MTMR12: variants seen among roughly 807,000 people sequenced by gnomAD.
The protein encoded by MTMR12 is myotubularin related protein 12.
In MTMR12, 33 loss-of-function variants were observed where a neutral mutation model predicts 96.7. That is an observed-to-expected ratio of 0.34 (90% confidence interval 0.26 to 0.46). The LOEUF (loss-of-function observed/expected upper bound fraction) is 0.46. MTMR12 is among the 20% of genes least tolerant of loss of function. MTMR12 has a pLI of 1.00. For missense variants in MTMR12, 721 were observed against 896.1 expected (o/e 0.80, Z 2.49); for synonymous variants, 298 against 327.2 (o/e 0.91, Z 0.96).
chr5:32,251,469 A>C (rs150706538), intron 8 of MTMR12, among the ~76,000 whole-genome samples: 1 of 152,306 alleles, frequency 6.6e-6, no homozygotes, highest in Non-Finnish European at 1.5e-5. Context: ...ATGTCATCAG[A>C]GTCAAACACT....
intron 1 of MTMR12, among the ~76,000 whole-genome samples, chr5:32,307,095 C>T (rs1751391936): frequency 6.6e-6 from 1 of 152,098 alleles, no homozygotes; most frequent in Admixed American, 6.6e-5. Context: ...CAATATTAAT[C>T]CCAATTTGGT....
intron 6 of MTMR12, among the ~76,000 whole-genome samples, chr5:32,265,127 G>A (rs1308878028): frequency 6.6e-6 from 1 of 152,174 alleles, no homozygotes; most frequent in Non-Finnish European, 1.5e-5. Context: ...GAATTATGAA[G>A]CCAGGGAATA....
intron 1 of MTMR12, among the ~76,000 whole-genome samples, chr5:32,281,059 C>A (rs1175818022): frequency 6.6e-6 from 1 of 151,560 alleles, no homozygotes; most frequent in Non-Finnish European, 1.5e-5. Flanking sequence ...AACAGCCTGG[C>A]CAACATGGTA....
At position 32,229,979 on chromosome 5, in the gene MTMR12, T is replaced by C. The variant is rs777869139; in HGVS notation, c.2043A>G (p.Arg681=). The change falls in exon 16 of 16, where the codon AGA becomes AGG. Residue 681 remains arginine, a synonymous_variant. Coordinates refer to ENST00000382142, the MANE Select transcript of MTMR12 (RefSeq NM_001040446.3). ...VQSLQEKIDE[R]HHSQQAPQAE... ...CCTGGGGGGCCTGCTGGCTGTGGTG[T>C]CTCTCGTCGATCTTCTCTTGTAAAC... The C allele has an allele frequency of 6.2e-7, 1 of 1,612,128 alleles. No homozygotes were observed. The highest frequency in any genetic ancestry group is 2.2e-5 in the East Asian group (1 of 44,806).
At chr5:32,257,340 A>G (rs1749179977) in intron 7 of MTMR12, among the ~76,000 whole-genome samples, 1 of 152,198 alleles carries the variant, frequency 6.6e-6, no homozygotes, top group East Asian at 1.9e-4. Flanking sequence ...AAGATAATCC[A>G]AGAGAGGGTG....
chr5:32,309,284 T>C (rs1432219578), intron 1 of MTMR12, among the ~76,000 whole-genome samples: 3 of 152,170 alleles, frequency 2.0e-5, no homozygotes, highest in Non-Finnish European at 4.4e-5. Context: ...AAAGATCAGT[T>C]GCACTTCAAC....
chr5:32,234,150 C>T (rs971273559), intron 14 of MTMR12, among the ~76,000 whole-genome samples: 1 of 152,206 alleles, frequency 6.6e-6, no homozygotes, highest in Admixed American at 6.5e-5. Context: ...CAGCAGTCTA[C>T]ACGCCAGCCG....
intron 8 of MTMR12, among the ~76,000 whole-genome samples, chr5:32,254,649 C>A (rs1389744765): frequency 6.6e-6 from 1 of 151,666 alleles, no homozygotes; most frequent in Non-Finnish European, 1.5e-5. Context: ...TTGAGACCAG[C>A]CTGGTCAACA....
chr5:32,237,700 C>T (rs1364235865), intron 13 of MTMR12, among the ~76,000 whole-genome samples: 3 of 151,830 alleles, frequency 2.0e-5, no homozygotes, highest in Non-Finnish European at 4.4e-5. Flanking sequence ...TTAGTAGAGA[C>T]GGGGTTTCAC....
intron 6 of MTMR12, among the ~76,000 whole-genome samples, chr5:32,267,377 G>GAAA (rs751223074): frequency 3.3e-5 from 3 of 89,956 alleles, no homozygotes; most frequent in Non-Finnish European, 4.5e-5. Flanking sequence ...CTCCATCTCA[G>GAAA]AAAAAAAAAA....
rs114863469 is a variant in MTMR12, at chr5:32,262,589, C to T, written c.713+524G>A. 4.0e-3 allele frequency among the ~76,000 whole-genome samples: 615 copies of T among 152,104 alleles called. 1 individual carries two copies. The highest frequency in any genetic ancestry group is 6.0e-3 in the Non-Finnish European group (408 of 68,022). The stretch of plus-strand genomic sequence containing the variant: ...CTCCAGCATGGTGCAGCATAGGTGT[C>T]GGAGCAAGACCCTGTCTCAAACAAA... On this transcript the variant is annotated intron_variant, in intron 7 of 15. Transcript: ENST00000382142.
At chr5:32,292,997 A>G (rs1750791351) in intron 1 of MTMR12, among the ~76,000 whole-genome samples, 1 of 152,172 alleles carries the variant, frequency 6.6e-6, no homozygotes, top group African/African-American at 2.4e-5. Flanking sequence ...TCAGCATTTA[A>G]GTATTGTTAA....
intron 2 of MTMR12, among the ~76,000 whole-genome samples, chr5:32,274,509 G>C (rs1029149216): frequency 1.3e-5 from 2 of 152,124 alleles, no homozygotes; most frequent in Non-Finnish European, 2.9e-5. Context: ...AACACAGATG[G>C]GCTTGCCCCA....
chr5:32,228,075 A>G lies in MTMR12; in HGVS notation c.*1703T>C, dbSNP rs1211783212. ...CAGTGGCACGATCTTAGCTCACTGC[A>G]AACTCCACCTCCCAGGCTCACGGGA... On this transcript the variant is annotated 3_prime_UTR_variant, in exon 16 of 16. Coordinates refer to ENST00000382142, the MANE Select transcript of MTMR12 (RefSeq NM_001040446.3). 3 of 152,300 alleles carry G rather than the reference A, an allele frequency of 2.0e-5. No homozygotes were observed. The highest frequency in any genetic ancestry group is 4.8e-5 in the African/African-American group (2 of 41,446). The allele number at this position is 152,300 out of a possible 1,614,324, so 9.4% of individuals were successfully genotyped here.
At chr5:32,309,464 C>A (rs1209240666) in intron 1 of MTMR12, among the ~76,000 whole-genome samples, 1 of 152,156 alleles carries the variant, frequency 6.6e-6, no homozygotes, top group Non-Finnish European at 1.5e-5. Context: ...TACAAACCAT[C>A]TATCTGACAG....
intron 10 of MTMR12, 68 bp downstream of exon 10, chr5:32,247,930 AACTT>A: frequency 6.4e-7 from 1 of 1,550,652 alleles, no homozygotes. Context: ...AAAAGGCACC[AACTT>A]TCACCTGATC....
intron 1 of MTMR12, among the ~76,000 whole-genome samples, chr5:32,305,240 T>C (rs1203901772): frequency 3.3e-5 from 5 of 152,048 alleles, no homozygotes; most frequent in Non-Finnish European, 7.4e-5. Flanking sequence ...AGGCGTTCGC[T>C]ACCACGCCCG....
At chr5:32,271,699 T>C (rs1381269557) in intron 4 of MTMR12, 134 bp downstream of exon 4, 1 of 502,618 alleles carries the variant, frequency 2.0e-6, no homozygotes, top group Non-Finnish European at 3.3e-6. Flanking sequence ...TTTTAGCATC[T>C]ATAAAACAGA....
chr5:32,307,402 G>T (rs1751404182), intron 1 of MTMR12, among the ~76,000 whole-genome samples: 1 of 152,096 alleles, frequency 6.6e-6, no homozygotes, highest in Non-Finnish European at 1.5e-5. Context: ...GCTGGGCTGG[G>T]GTGGGGGTGC....
Sources: gnomAD v4.1 joint callset for allele counts (sites outside exome capture counted in the v4.1 genomes callset) on GRCh38, gnomAD v4.1.1 for gene constraint, MANE v1.5 for transcripts, NCBI Gene and HGNC (gene_info 2026-07-23, HGNC 2026-07-21) for gene names.